The following PCGF6 variants were observed in gnomAD, a reference collection of about 807,000 sequenced individuals.
The protein encoded by PCGF6 is polycomb group ring finger 6, also known as polycomb group RING finger protein 6.
Under a neutral mutation model 45.5 loss-of-function variants are expected in PCGF6, and 24 were observed. That is an observed-to-expected ratio of 0.53 (90% CI 0.38 to 0.74). PCGF6 has a LOEUF of 0.74. Among genes scored for constraint, PCGF6 ranks in the 30% least tolerant of loss-of-function variants. The pLI is 0.00. For missense variants in PCGF6, 356 were observed against 443.2 expected, an observed-to-expected ratio of 0.80 and a Z score of 1.77; for synonymous variants, 152 against 162.1, an observed-to-expected ratio of 0.94 and a Z score of 0.47.
chr10:103,333,631 A>T (rs1034350444), intron 7 of PCGF6, among the ~76,000 whole-genome samples: 1 of 152,208 alleles, frequency 6.6e-6, no homozygotes, highest in African/African-American at 2.4e-5. Flanking sequence ...TTTTAAGCTC[A>T]TATTTAATTC....
chr10:103,346,252 G>C (rs1000145571), intron 5 of PCGF6, among the ~76,000 whole-genome samples: 2 of 151,774 alleles, frequency 1.3e-5, no homozygotes, highest in Non-Finnish European at 2.9e-5. Flanking sequence ...AGCACTTTGG[G>C]AGGCCAAGGT....
intron 7 of PCGF6, among the ~76,000 whole-genome samples, chr10:103,328,736 G>C (rs188892159): frequency 2.0e-5 from 3 of 152,190 alleles, no homozygotes; most frequent in African/African-American, 7.2e-5. Context: ...TTTATGTACA[G>C]GATTTTAACT....
chr10:103,321,506 G>C (rs904770217), intron 8 of PCGF6, among the ~76,000 whole-genome samples: 1 of 152,124 alleles, frequency 6.6e-6, no homozygotes, highest in Admixed American at 6.6e-5. Context: ...GAGGTCAGGA[G>C]ATCGAGATCA....
chr10:103,337,782 CGGCCG>C (rs1384333036), intron 6 of PCGF6, among the ~76,000 whole-genome samples: 1,708 of 112,844 alleles, frequency 0.015, 37 homozygotes, highest in Middle Eastern at 0.031. Context: ...ACAAAATTAG[CGGCCG>C]GGCGCGGTGG....
At chr10:103,341,798 C>T (rs74816205) in intron 6 of PCGF6, among the ~76,000 whole-genome samples, 2,045 of 152,150 alleles carry the variant, frequency 0.013, 51 homozygotes, top group African/African-American at 0.047. Flanking sequence ...ATTACTCCAG[C>T]CTTCTTTTGA....
chr10:103,331,242 G>A (rs564599123), intron 7 of PCGF6, among the ~76,000 whole-genome samples: 1 of 152,208 alleles, frequency 6.6e-6, no homozygotes, highest in East Asian at 1.9e-4. Flanking sequence ...TATATACACT[G>A]TTTCCAGTTT....
chr10:103,305,140 A>ATTT (rs35713672), intron 9 of PCGF6, among the ~76,000 whole-genome samples: 1 of 150,376 alleles, frequency 6.6e-6, no homozygotes, highest in Non-Finnish European at 1.5e-5. Flanking sequence ...CTACTTCAAA[A>ATTT]TTTTTTTTTT....
At chr10:103,311,159 T>A (rs1380406289) in intron 9 of PCGF6, among the ~76,000 whole-genome samples, 1 of 152,176 alleles carries the variant, frequency 6.6e-6, no homozygotes, top group Non-Finnish European at 1.5e-5. Context: ...CTTTTCTTTT[T>A]GAAACCGAGT....
rs535773350 is a variant in PCGF6, at chr10:103,315,844, T to C, written c.910-1572A>G. Among the ~76,000 whole-genome samples the C allele has an allele frequency of 2.4e-4, 36 of 152,260 alleles. 1 individual carries two copies. The South Asian group carries it at 7.0e-3, about 30-fold the overall frequency. On this transcript the variant is annotated intron_variant, in intron 8 of 9. Transcript: ENST00000369847. ...GAATTCTCTAGAGAGAATATTGTTG[T>C]ATATATACATTTTATTAAGACTCTA...
chr10:103,336,665 A>G (rs1223182311), intron 6 of PCGF6, among the ~76,000 whole-genome samples: 3 of 152,138 alleles, frequency 2.0e-5, no homozygotes, highest in Admixed American at 2.0e-4. Flanking sequence ...GCTTGAGGTC[A>G]GGAGTTTGAG....
chr10:103,333,726 C>T (rs2093247753), intron 7 of PCGF6, among the ~76,000 whole-genome samples, 199 bp downstream of exon 7: 1 of 152,096 alleles, frequency 6.6e-6, no homozygotes. Context: ...AAAAAGTATT[C>T]ACTTAATTTT....
chr10:103,329,815 G>A (rs1370109085), intron 7 of PCGF6, among the ~76,000 whole-genome samples: 1 of 147,798 alleles, frequency 6.8e-6, no homozygotes, highest in East Asian at 2.0e-4. Flanking sequence ...GTCTCGCTCT[G>A]TCGCCTGGGC....
chr10:103,330,057 T>A (rs1224391085), intron 7 of PCGF6, among the ~76,000 whole-genome samples: 2 of 149,962 alleles, frequency 1.3e-5, no homozygotes, highest in Non-Finnish European at 3.0e-5. Flanking sequence ...TGTGAGCCAC[T>A]GTGCCCGGCC....
At chr10:103,347,838 G>A (rs931441414) in intron 3 of PCGF6, among the ~76,000 whole-genome samples, 3 of 152,146 alleles carry the variant, frequency 2.0e-5, no homozygotes, top group African/African-American at 4.8e-5. Flanking sequence ...CTAAAGGCGC[G>A]TGACACCACG....
intron 6 of PCGF6, among the ~76,000 whole-genome samples, chr10:103,344,249 A>G (rs1592077016): frequency 6.6e-6 from 1 of 152,172 alleles, no homozygotes; most frequent in East Asian, 1.9e-4. Context: ...CACATGAAAA[A>G]AAAAGGCATG....
chr10:103,326,315 G>A (rs930206341), intron 8 of PCGF6, among the ~76,000 whole-genome samples: 2 of 151,280 alleles, frequency 1.3e-5, no homozygotes, highest in Non-Finnish European at 2.9e-5. Context: ...CGTGAACCCG[G>A]GAGGCTGAGC....
At chr10:103,344,887 A>G in intron 6 of PCGF6, 137 bp downstream of exon 6, 1 of 618,528 alleles carries the variant, frequency 1.6e-6, no homozygotes, top group Non-Finnish European at 2.8e-6. Context: ...CCTTTTTCTA[A>G]TTATTTCTAA....
intron 6 of PCGF6, among the ~76,000 whole-genome samples, chr10:103,338,326 G>A (rs916826110): frequency 1.5e-4 from 23 of 151,604 alleles, no homozygotes; most frequent in African/African-American, 5.1e-4. Context: ...GGCAGACCAC[G>A]AGGTCAGGAG....
intron 7 of PCGF6, among the ~76,000 whole-genome samples, chr10:103,331,070 A>C (rs2093238463): frequency 6.6e-6 from 1 of 152,170 alleles, no homozygotes; most frequent in African/African-American, 2.4e-5. Flanking sequence ...AAATCATATA[A>C]TATATGGATG....
Sources: allele counts gnomAD v4.1 joint callset (sites outside exome capture counted in the v4.1 genomes callset), GRCh38; gene constraint gnomAD v4.1.1; transcripts MANE v1.5; gene names NCBI Gene and HGNC (gene_info 2026-07-23, HGNC 2026-07-21).